Variants in CLK3 observed in about 807,000 individuals in gnomAD.
The protein encoded by CLK3 is CDC like kinase 3.
In CLK3, 24 loss-of-function variants were observed where a neutral mutation model predicts 65.2. The observed-to-expected ratio is 0.37, with a 90% CI of 0.27 to 0.52. The LOEUF is 0.52. Ranked by LOEUF, CLK3 falls within the 20% of genes least tolerant of loss-of-function variation. CLK3 has a pLI of 0.92. For synonymous variants in CLK3, 252 were observed against 240.8 expected (o/e 1.05, Z -0.43); for missense variants, 506 against 660.0 (o/e 0.77, Z 2.56).
chr15:74,610,815 G>A (rs2061980065), intron 1 of CLK3, among the ~76,000 whole-genome samples: 1 of 152,256 alleles, frequency 6.6e-6, no homozygotes, highest in Non-Finnish European at 1.5e-5. Context: ...GCCTGGTAGG[G>A]AGCAGTGGCT....
At chr15:74,610,140 TC>T (rs1222439286) in intron 1 of CLK3, among the ~76,000 whole-genome samples, 2 of 152,228 alleles carry the variant, frequency 1.3e-5, no homozygotes, top group Non-Finnish European at 2.9e-5. Flanking sequence ...ACTTGGGGGA[TC>T]CCCAGGCTGG....
Position 74,622,488 on chromosome 15 carries a change from TCC to T in CLK3, c.467-5_467-4del. On this transcript the variant is annotated splice_region_variant and splice_polypyrimidine_tract_variant and intron_variant, in intron 4 of 12. Transcript: ENST00000395066. The surrounding 1 kb of genome is among the most constrained non-coding windows in gnomAD (Gnocchi z 4.6). ...ATTCTCATGCCCAATTTCTTTTCTC[TCC>T]TAGATGAGATTGTGGGGAACCTGGG... 1 of 1,611,130 alleles carries T rather than the reference TCC, an allele frequency of 6.2e-7. No homozygotes were observed. The highest frequency in any genetic ancestry group is 1.1e-5 in the South Asian group (1 of 90,614).
chr15:74,620,316 C>T, intron 3 of CLK3, 91 bp downstream of exon 3: 1 of 1,555,062 alleles, frequency 6.4e-7, no homozygotes, highest in Non-Finnish European at 8.8e-7. Context: ...GTGAGTACTG[C>T]CAGCCCTGTG....
chr15:74,627,036 A>C lies in CLK3; in HGVS notation c.818-316A>C. 5.9e-6 allele frequency: 3 copies of C among 508,200 alleles called. No individual in the cohort carries two copies. Among genetic ancestry groups the C allele is most frequent in the Non-Finnish European group, 1.1e-5 (3 of 261,580 alleles). The allele number at this position is 508,200 out of a possible 1,614,324, so 31.5% of individuals were successfully genotyped here. ...GTGCAGGGAAGAGGGAACCACCTCG[A>C]GGCTGTTGCTGTAGCTCTGCTGAGA... On this transcript the variant is annotated intron_variant, in intron 7 of 12. Transcript: ENST00000395066. This position sits in a 1 kb window ranked among gnomAD's most constrained non-coding sequence, Gnocchi z 4.3.
At chr15:74,623,083 G>A (rs547516987) in intron 5 of CLK3, among the ~76,000 whole-genome samples, 2 of 152,328 alleles carry the variant, frequency 1.3e-5, no homozygotes, top group South Asian at 4.1e-4. Flanking sequence ...GTAGTGTGTG[G>A]TCTCCGCTGA....
At chr15:74,615,933 G>C (rs1031448268) in intron 1 of CLK3, 35 bp downstream of exon 1, 16 of 1,215,650 alleles carry the variant, frequency 1.3e-5, no homozygotes, top group Middle Eastern at 3.1e-4. Context: ...CGGCGACAGC[G>C]GCGGCGGCGG....
Position 74,624,983 on chromosome 15 carries a change from C to T in CLK3, c.615C>T (p.Leu205=). The T allele has an allele frequency of 6.2e-7, 1 of 1,613,516 alleles. No homozygotes were observed. ...REAARLEINV[L]KKIKEKDKEN... ...CTGCCCGGCTAGAAATCAACGTGCTCAAAAAAATCAAGGAGAAGGACAAAG... is the reference window on the plus strand; with the variant it reads ...CTGCCCGGCTAGAAATCAACGTGCTTAAAAAAATCAAGGAGAAGGACAAAG... The change falls in exon 6 of 13, where the codon CTC becomes CTT. Residue 205 remains leucine, a synonymous_variant. Transcript: ENST00000395066. This position sits in a 1 kb window ranked among gnomAD's most constrained non-coding sequence, Gnocchi z 4.2.
Position 74,624,320 on chromosome 15 carries a change from G to T in CLK3, c.534-582G>T, listed in dbSNP as rs2141547154. The T allele has an allele frequency of 6.5e-6, 1 of 153,352 alleles. No individual in the cohort carries two copies. The highest frequency in any genetic ancestry group is 1.9e-4 in the East Asian group (1 of 5,206). 9.5% of individuals were successfully genotyped at this position (153,352 alleles called of 1,614,324 possible). ...TAAGAAGGGTTCCTGGCATTTTGTG[G>T]TCACTGATAAACACTGTGGCAGGTA... On this transcript the variant is annotated intron_variant, in intron 5 of 12. Coordinates refer to ENST00000395066, the MANE Select transcript of CLK3 (RefSeq NM_001130028.2). This position sits in a 1 kb window ranked among gnomAD's most constrained non-coding sequence, Gnocchi z 4.2.
upstream of CLK3, chr15:74,615,788 G>T: frequency 8.0e-7 from 1 of 1,243,840 alleles, no homozygotes; most frequent in Non-Finnish European, 1.0e-6. Flanking sequence ...GCTGGCGACG[G>T]CTGCGTCACG....
upstream of CLK3, chr15:74,615,434 C>T (rs573618135): frequency 1.2e-4 from 154 of 1,270,316 alleles, no homozygotes; most frequent in African/African-American, 2.3e-3. Flanking sequence ...CGCTCTCGCG[C>T]TCTCCGGGGC....
In CLK3 at chr15:74,619,307, G is replaced by A. The variant is rs142017053; in HGVS notation, c.111G>A (p.Pro37=). The A allele has an allele frequency of 1.2e-4, 200 of 1,614,138 alleles. No individual in the cohort carries two copies. The highest frequency in any genetic ancestry group is 5.3e-4 in the East Asian group (24 of 44,884). Residue 37 remains proline (P), a synonymous_variant, in exon 2 of 13, where the codon CCG becomes CCA. Transcript: ENST00000395066. The part of the protein sequence containing the change: ...SREHEGRLRY[P]SRREPPPRRS... ...AACATGAAGGGAGACTGCGATACCCGTCCCGAAGGGAGCCTCCCCCACGAA... is the reference window on the plus strand; with the variant it reads ...AACATGAAGGGAGACTGCGATACCCATCCCGAAGGGAGCCTCCCCCACGAA...
intron 1 of CLK3, among the ~76,000 whole-genome samples, chr15:74,609,405 C>G (rs147253826): frequency 4.0e-4 from 61 of 152,346 alleles, no homozygotes; most frequent in Non-Finnish European, 5.9e-5. Flanking sequence ...TGTGGACGCC[C>G]TGCTAGAATC....
upstream of CLK3, among the ~76,000 whole-genome samples, chr15:74,613,763 G>A (rs545421328): frequency 6.6e-6 from 1 of 152,228 alleles, no homozygotes; most frequent in African/African-American, 2.4e-5. Flanking sequence ...CTAGTATCCT[G>A]GAGCCATGGA....
rs987860054 is a variant in CLK3, at chr15:74,618,949, G to A, written c.1-248G>A. On this transcript the variant is annotated intron_variant, in intron 1 of 12. Coordinates refer to ENST00000395066, the MANE Select transcript of CLK3 (RefSeq NM_001130028.2). ...CTCACCCAGTTCCCTGAGCACCCAG[G>A]CCACCAGGCTAGTGATGCTCTGCTG... 6 of 436,688 alleles carry A rather than the reference G, an allele frequency of 1.4e-5. No individual in the cohort carries two copies. The Admixed American group carries it at 2.3e-4, about 17-fold the overall frequency. The allele number at this position is 436,688 out of a possible 1,614,324, so 27.1% of individuals were successfully genotyped here. A position where few individuals can be genotyped will look rare whatever the true frequency, so the allele number is the denominator to read the frequency against.
At chr15:74,615,531 C>T, upstream of CLK3, 3 of 1,288,718 alleles carry the variant, frequency 2.3e-6, no homozygotes, top group South Asian at 7.1e-5. Flanking sequence ...CCCAGCCCCA[C>T]GGCCAGGTCG....
At chr15:74,626,594 C>T (rs1175331485) in intron 7 of CLK3, among the ~76,000 whole-genome samples, 1 of 152,220 alleles carries the variant, frequency 6.6e-6, no homozygotes, top group Admixed American at 6.5e-5. Flanking sequence ...GTGTCTTCCT[C>T]CTCCCACAGG....
rs114069226 is a variant in CLK3 at position 74,621,532 on chromosome 15, G to C, written c.370-588G>C. On this transcript the variant is annotated intron_variant, in intron 3 of 12. Transcript: ENST00000395066. The surrounding 1 kb of genome is among the most constrained non-coding windows in gnomAD (Gnocchi z 4.8). ...TCTGGAGGCAGGTAGCAGCTTGGCT[G>C]TGAGTGGCAGCTGTCAGGCATGTGC... 3,602 of 168,600 alleles carry C rather than the reference G, an allele frequency of 0.021. 142 individuals carry two copies. Among genetic ancestry groups the C allele is most frequent in the African/African-American group, 0.081 (3,407 of 42,012 alleles). 10.4% of individuals were successfully genotyped at this position (168,600 alleles called of 1,614,324 possible). A position where few individuals can be genotyped will look rare whatever the true frequency, so the allele number is the denominator to read the frequency against.
At chr15:74,625,325 G>A (rs904350816) in intron 6 of CLK3, among the ~76,000 whole-genome samples, 8 of 152,208 alleles carry the variant, frequency 5.3e-5, no homozygotes, top group Admixed American at 2.6e-4. Context: ...GATACCCAAA[G>A]GAGGGCCTTT....
chr15:74,624,562 A>C lies in CLK3; in HGVS notation c.534-340A>C. Reference sequence around the variant, plus strand: ...GGCCAGGGTTGGGGCTGCCTGGCCTATAGGTTAGGTCACTGTGTGAGCTCT... The same window carrying C: ...GGCCAGGGTTGGGGCTGCCTGGCCTCTAGGTTAGGTCACTGTGTGAGCTCT... On this transcript the variant is annotated intron_variant, in intron 5 of 12. Coordinates refer to ENST00000395066, the MANE Select transcript of CLK3 (RefSeq NM_001130028.2). The surrounding 1 kb of genome is among the most constrained non-coding windows in gnomAD (Gnocchi z 4.2). 4.1e-6 allele frequency: 1 copy of C among 243,744 alleles called. No individual in the cohort carries two copies. The highest frequency in any genetic ancestry group is 8.2e-6 in the Non-Finnish European group (1 of 122,528). 15.1% of individuals were successfully genotyped at this position (243,744 alleles called of 1,614,324 possible). A position where few individuals can be genotyped will look rare whatever the true frequency, so the allele number is the denominator to read the frequency against.
Sources: allele counts gnomAD v4.1 joint callset (sites outside exome capture counted in the v4.1 genomes callset), GRCh38; gene constraint gnomAD v4.1.1; non-coding constraint Gnocchi (gnomAD v3.1); transcripts MANE v1.5; gene names NCBI Gene and HGNC (gene_info 2026-07-23, HGNC 2026-07-21).